SMIM7: variants seen among roughly 807,000 people sequenced by gnomAD.
SMIM7 encodes small integral membrane protein 7.
In SMIM7, 12 loss-of-function variants were observed where a neutral mutation model predicts 13.3. That is an observed-to-expected ratio of 0.90 (90% confidence interval 0.58 to 1.46). The LOEUF is 1.46. Ranked by LOEUF, SMIM7 falls within the 40% of genes most tolerant of loss-of-function variation. The pLI is 0.00. For missense variants in SMIM7, 114 were observed against 94.8 expected, an observed-to-expected ratio of 1.20 and a Z score of -0.84; for synonymous variants, 36 against 35.8, an observed-to-expected ratio of 1.01 and a Z score of -0.02.
Position 16,660,071 on chromosome 19 carries a change from G to C in SMIM7, c.26+14C>G. The C allele has an allele frequency of 6.2e-7, 1 of 1,614,196 alleles. No individual in the cohort carries two copies. Among genetic ancestry groups the C allele is most frequent in the Non-Finnish European group, 8.5e-7 (1 of 1,180,018 alleles). The stretch of plus-strand genomic sequence containing the variant: ...CCTGGCTCTCTCTTCCCAGCCTCTG[G>C]TCCCCCTAATTACCCGAACAGCAGG... On this transcript the variant is annotated intron_variant, in intron 1 of 4. Transcript: ENST00000487416.
chr19:16,653,541 C>T (rs2086556304), intron 4 of SMIM7: 1 of 160,244 alleles, frequency 6.2e-6, no homozygotes, highest in African/African-American at 2.4e-5. Context: ...CGAGATCACG[C>T]CACTGCACTC....
intron 4 of SMIM7, among the ~76,000 whole-genome samples, chr19:16,651,979 G>T (rs1364065121): frequency 1.3e-5 from 2 of 150,540 alleles, no homozygotes; most frequent in African/African-American, 4.9e-5. Context: ...GAGAATGAGG[G>T]AAGCATGCTG....
Position 16,646,897 on chromosome 19 carries a change from T to C in SMIM7, c.*349A>G, listed in dbSNP as rs10402. 0.061 allele frequency: 20,476 copies of C among 336,418 alleles called. 1,201 individuals are homozygous for C. Among genetic ancestry groups the C allele is most frequent in the East Asian group, 0.28 (4,376 of 15,618 alleles). 20.8% of individuals were successfully genotyped at this position (336,418 alleles called of 1,614,324 possible). ...AACACTGAATGTCCAAAAATACGGC[T>C]GTGTTAAACTAACAAGCCAATCCTT... On this transcript the variant is annotated 3_prime_UTR_variant, in exon 5 of 5. Transcript: ENST00000487416.
In SMIM7 at chr19:16,660,126, G is replaced by T. The variant is rs759335335; in HGVS notation, c.-16C>A. 2.5e-6 allele frequency: 4 copies of T among 1,614,100 alleles called. No individual in the cohort carries two copies. The highest frequency in any genetic ancestry group is 1.7e-5 in the Admixed American group (1 of 60,008). ...CTCCGATCATCGTTACGGCCGAAGC[G>T]TCCGTCAGAACCGGAAGCGGAAGCC... is the stretch of plus-strand genomic sequence containing the variant. On this transcript the variant is annotated 5_prime_UTR_variant, in exon 1 of 5. Coordinates refer to ENST00000487416, the MANE Select transcript of SMIM7 (RefSeq NM_024104.4).
At chr19:16,659,614 G>A (rs1018221711) in intron 2 of SMIM7, 167 bp from the exon 3 acceptor site, 3 of 724,654 alleles carry the variant, frequency 4.1e-6, no homozygotes, top group African/African-American at 3.5e-5. Flanking sequence ...CCCACTGCCC[G>A]GACAATCACA....
downstream of SMIM7, chr19:16,641,086 G>C (rs1168007927): frequency 1.3e-5 from 2 of 152,082 alleles, no homozygotes; most frequent in African/African-American, 2.4e-5. Context: ...AGTGGCTTTG[G>C]GAGGGAAGGG....
intron 3 of SMIM7, among the ~76,000 whole-genome samples, chr19:16,658,463 G>A (rs1383486031): frequency 1.3e-5 from 2 of 152,200 alleles, no homozygotes; most frequent in Admixed American, 6.5e-5. Flanking sequence ...CCAGGGCCCA[G>A]GCAGATGATA....
chr19:16,648,045 T>C (rs2086472485), intron 4 of SMIM7, among the ~76,000 whole-genome samples: 1 of 152,180 alleles, frequency 6.6e-6, no homozygotes, highest in Non-Finnish European at 1.5e-5. Flanking sequence ...TACGTGTACA[T>C]CTTTGTAACC....
downstream of SMIM7, among the ~76,000 whole-genome samples, chr19:16,643,364 T>C (rs2086418826): frequency 6.6e-6 from 1 of 152,182 alleles, no homozygotes; most frequent in South Asian, 2.1e-4. Context: ...AAGTATGCAT[T>C]TGATAAGTTT....
chr19:16,658,819 A>T (rs147731591), intron 3 of SMIM7, among the ~76,000 whole-genome samples: 2 of 152,254 alleles, frequency 1.3e-5, no homozygotes, highest in East Asian at 1.9e-4. Context: ...TGAAGTTTAC[A>T]GTCATATGTG....
intron 3 of SMIM7, among the ~76,000 whole-genome samples, chr19:16,656,620 C>T (rs114068818): frequency 0.012 from 1,885 of 152,068 alleles, 25 homozygotes; most frequent in Middle Eastern, 0.031. Flanking sequence ...CCTTTCCAGC[C>T]GGGTGCCGTC....
At chr19:16,639,268 G>A (rs916440624) in intron 4 of SMIM7, among the ~76,000 whole-genome samples, 2 of 151,828 alleles carry the variant, frequency 1.3e-5, no homozygotes, top group African/African-American at 4.8e-5. Context: ...GATTATAGGC[G>A]CCCACCACCT....
At chr19:16,647,926 G>A (rs1426713256) in intron 4 of SMIM7, among the ~76,000 whole-genome samples, 2 of 152,080 alleles carry the variant, frequency 1.3e-5, no homozygotes, top group Non-Finnish European at 2.9e-5. Flanking sequence ...ACATGCAAAA[G>A]AATAAAGTTG....
At chr19:16,656,592 T>G (rs1487608204) in intron 3 of SMIM7, among the ~76,000 whole-genome samples, 1 of 150,592 alleles carries the variant, frequency 6.6e-6, no homozygotes, top group East Asian at 2.0e-4. Context: ...TGGGGAAGGG[T>G]GGGAGGTAAA....
chr19:16,652,784 C>T (rs942564598), intron 4 of SMIM7: 59 of 1,512,092 alleles, frequency 3.9e-5, no homozygotes, highest in Non-Finnish European at 4.8e-5. Context: ...ACTTTTTGTC[C>T]TCTCTCTTTC....
chr19:16,642,282 G>A (rs1166194643), downstream of SMIM7, among the ~76,000 whole-genome samples: 1 of 152,222 alleles, frequency 6.6e-6, no homozygotes, highest in Non-Finnish European at 1.5e-5. Context: ...TTGTGATTGA[G>A]CACGGTGGCT....
intron 4 of SMIM7, among the ~76,000 whole-genome samples, chr19:16,638,429 G>A (rs1013203315): frequency 6.7e-6 from 1 of 148,988 alleles, no homozygotes; most frequent in Non-Finnish European, 1.5e-5. Context: ...TCAGACTCCT[G>A]AGTAGCTGGA....
At chr19:16,643,857 C>G (rs555415828), downstream of SMIM7, 9 of 152,348 alleles carry the variant, frequency 5.9e-5, no homozygotes, top group East Asian at 1.7e-3. Context: ...AGGGGCAGCC[C>G]TGATCACAGT....
At chr19:16,649,100 G>A (rs940218613) in intron 4 of SMIM7, among the ~76,000 whole-genome samples, 7 of 152,134 alleles carry the variant, frequency 4.6e-5, no homozygotes, top group African/African-American at 1.7e-4. Context: ...GCAAGGATAC[G>A]GAGAAAGTGT....
Sources: allele counts gnomAD v4.1 joint callset (sites outside exome capture counted in the v4.1 genomes callset), GRCh38; gene constraint gnomAD v4.1.1; transcripts MANE v1.5; gene names NCBI Gene and HGNC (gene_info 2026-07-23, HGNC 2026-07-21).